CHMP4C: variants seen among roughly 807,000 people sequenced by gnomAD.
CHMP4C encodes the protein SNF7 homolog associated with Alix 3.
In CHMP4C, 28 loss-of-function variants were observed where a neutral mutation model predicts 29.0. That is an observed-to-expected ratio of 0.97 (90% CI 0.72 to 1.32). The LOEUF (loss-of-function observed/expected upper bound fraction) is 1.32, where lower values mean the gene tolerates loss of function less well. Among genes scored for constraint, CHMP4C ranks in the 40% most tolerant of loss-of-function variants. CHMP4C has a pLI of 0.00. For missense variants in CHMP4C, 291 were observed against 281.0 expected (o/e 1.04, Z -0.25); for synonymous variants, 106 against 102.4 (o/e 1.04, Z -0.21).
At chr8:81,745,535 G>C (rs1349762453) in intron 1 of CHMP4C, among the ~76,000 whole-genome samples, 4 of 152,212 alleles carry the variant, frequency 2.6e-5, no homozygotes, top group Non-Finnish European at 4.4e-5. Flanking sequence ...TTTTCTGCTA[G>C]TTTAAATTAT....
rs1390152431 is a variant in CHMP4C at position 81,758,587 on chromosome 8, A to G, written c.*43A>G. On this transcript the variant is annotated 3_prime_UTR_variant, in exon 5 of 5. Transcript: ENST00000297265. ...ATACCTAAATTAATGAGCTATAGAT[A>G]AAATATAAAAAATGTTTTTACCAAG... is the stretch of plus-strand genomic sequence containing the variant. 1 of 1,255,230 alleles carries G rather than the reference A, an allele frequency of 8.0e-7. No individual in the cohort carries two copies. The highest frequency in any genetic ancestry group is 1.2e-6 in the Non-Finnish European group (1 of 863,322). The allele number at this position is 1,255,230 out of a possible 1,614,324, so 77.8% of individuals were successfully genotyped here.
At chr8:81,736,331 C>CTT (rs568946562) in intron 1 of CHMP4C, among the ~76,000 whole-genome samples, 2 of 146,512 alleles carry the variant, frequency 1.4e-5, no homozygotes, top group African/African-American at 5.0e-5. Context: ...ATTTAATTTT[C>CTT]TTTTTTTTTT....
At chr8:81,758,366 G>A (rs369606899) in intron 4 of CHMP4C, 71 bp downstream of exon 4, 1 of 1,587,510 alleles carries the variant, frequency 6.3e-7, no homozygotes, top group East Asian at 2.2e-5. Context: ...ATTCTTTTTA[G>A]CACATGTTTT....
chr8:81,738,062 T>TG (rs1808716717), intron 1 of CHMP4C, among the ~76,000 whole-genome samples: 1 of 152,198 alleles, frequency 6.6e-6, no homozygotes, highest in South Asian at 2.1e-4. Context: ...GCAGGTGAGA[T>TG]GCCTAGGACA....
At chr8:81,745,392 T>C (rs558497848) in intron 1 of CHMP4C, among the ~76,000 whole-genome samples, 1 of 152,324 alleles carries the variant, frequency 6.6e-6, no homozygotes, top group Admixed American at 6.5e-5. Context: ...TGATGGTTCC[T>C]AAAAGGTTCT....
At chr8:81,733,307 T>TTTC (rs1808643637) in intron 1 of CHMP4C, among the ~76,000 whole-genome samples, 1 of 152,174 alleles carries the variant, frequency 6.6e-6, no homozygotes, top group Non-Finnish European at 1.5e-5. Context: ...TACTGAGTGT[T>TTTC]TTCGCACCCC....
intron 1 of CHMP4C, among the ~76,000 whole-genome samples, chr8:81,738,480 T>C (rs961442831): frequency 1.3e-5 from 2 of 152,230 alleles, no homozygotes; most frequent in Non-Finnish European, 2.9e-5. Context: ...GACTTGATCT[T>C]CTTTGGAGAG....
chr8:81,735,943 G>A lies in CHMP4C; in HGVS notation c.190+3127G>A, dbSNP rs937994185. Among the ~76,000 whole-genome samples the A allele has an allele frequency of 8.6e-5, 13 of 151,826 alleles. No homozygotes were observed. In the East Asian group the frequency reaches 1.7e-3, roughly 20 times the overall value. ...CTCTACTAAAAGTACAAAATTAGCCGGATGTGGTGGAGCGTGTCTGTAATC... is the reference window on the plus strand; with the variant it reads ...CTCTACTAAAAGTACAAAATTAGCCAGATGTGGTGGAGCGTGTCTGTAATC... On this transcript the variant is annotated intron_variant, in intron 1 of 4. Coordinates refer to ENST00000297265, the MANE Select transcript of CHMP4C (RefSeq NM_152284.4).
chr8:81,758,304 C>G lies in CHMP4C; in HGVS notation c.637+9C>G. On this transcript the variant is annotated intron_variant, in intron 4 of 4. Coordinates refer to ENST00000297265, the MANE Select transcript of CHMP4C (RefSeq NM_152284.4). ...ACGTCGATCCCGAGCAGGTCTGTTA[C>G]CCAGCTCAACTACATGTGGTCAGAT... 1.2e-6 allele frequency: 2 copies of G among 1,613,766 alleles called. No individual in the cohort carries two copies. The highest frequency in any genetic ancestry group is 1.7e-6 in the Non-Finnish European group (2 of 1,179,774).
intron 1 of CHMP4C, among the ~76,000 whole-genome samples, chr8:81,738,441 GA>G (rs1362654334): frequency 6.6e-6 from 1 of 152,212 alleles, no homozygotes; most frequent in Non-Finnish European, 1.5e-5. Context: ...TATTGGTAAG[GA>G]TGAATTTGTT....
intron 1 of CHMP4C, among the ~76,000 whole-genome samples, chr8:81,736,353 G>T (rs1178721843): frequency 2.0e-5 from 3 of 151,548 alleles, no homozygotes; most frequent in Non-Finnish European, 2.9e-5. Flanking sequence ...TATAGGTGAG[G>T]TCTCCCTATG....
intron 1 of CHMP4C, among the ~76,000 whole-genome samples, chr8:81,747,255 G>A (rs1808836893): frequency 6.6e-6 from 1 of 151,768 alleles, no homozygotes. Flanking sequence ...ATACCAAATT[G>A]CTTTTCTAGA....
chr8:81,751,152 A>T (rs1808898327), intron 1 of CHMP4C, among the ~76,000 whole-genome samples: 1 of 152,178 alleles, frequency 6.6e-6, no homozygotes. Context: ...CAAATAATTT[A>T]TATCAATGCA....
intron 1 of CHMP4C, 90 bp downstream of exon 1, chr8:81,732,906 G>A: frequency 1.6e-6 from 2 of 1,287,650 alleles, no homozygotes; most frequent in Non-Finnish European, 2.1e-6. Flanking sequence ...AGGTCCCCAG[G>A]TGGCCAGGTT....
chr8:81,752,013 T>C (rs1328843899), intron 1 of CHMP4C, among the ~76,000 whole-genome samples: 2 of 151,572 alleles, frequency 1.3e-5, no homozygotes, highest in Non-Finnish European at 1.5e-5. Context: ...TACAATAAAA[T>C]CCACCAAGAA....
intron 1 of CHMP4C, among the ~76,000 whole-genome samples, chr8:81,740,620 A>G (rs542403234): frequency 3.9e-5 from 6 of 152,292 alleles, no homozygotes; most frequent in African/African-American, 1.2e-4. Context: ...CACCTGACCC[A>G]CATTTCTACT....
At chr8:81,751,923 A>G (rs1808909142) in intron 1 of CHMP4C, among the ~76,000 whole-genome samples, 1 of 152,182 alleles carries the variant, frequency 6.6e-6, no homozygotes, top group Admixed American at 6.6e-5. Flanking sequence ...TGTAATAAAA[A>G]ACTGGCATAT....
chr8:81,736,153 A>C (rs1281374998), intron 1 of CHMP4C, among the ~76,000 whole-genome samples: 1 of 151,474 alleles, frequency 6.6e-6, no homozygotes, highest in African/African-American at 2.4e-5. Flanking sequence ...TAGAAACGGG[A>C]TCTCACTGGT....
chr8:81,741,816 C>T (rs1013839139), intron 1 of CHMP4C, among the ~76,000 whole-genome samples: 11 of 152,100 alleles, frequency 7.2e-5, no homozygotes, highest in African/African-American at 2.2e-4. Flanking sequence ...TGGTAATTTT[C>T]GTTTCTCCTA....
Sources: gnomAD v4.1 joint callset for allele counts (sites outside exome capture counted in the v4.1 genomes callset) on GRCh38, gnomAD v4.1.1 for gene constraint, MANE v1.5 for transcripts, NCBI Gene and HGNC (gene_info 2026-07-23, HGNC 2026-07-21) for gene names.